USP6: variants seen among roughly 807,000 people sequenced by gnomAD.
USP6 encodes ubiquitin specific peptidase 6.
A neutral mutation model predicts 175.7 loss-of-function variants in USP6; 128 were observed. The ratio of observed to expected loss-of-function variants is 0.73; its 90% confidence interval spans 0.63 to 0.84. USP6 has a LOEUF of 0.84. USP6 is among the 40% of genes least tolerant of loss of function. USP6 has a pLI of 0.00. For missense variants in USP6, 1,498 were observed against 1,760.3 expected (o/e 0.85, Z 2.67); for synonymous variants, 562 against 630.6 (o/e 0.89, Z 1.63).
chr17:5,120,242 T>G (rs1436760157), intron 2 of USP6, among the ~76,000 whole-genome samples: 4 of 152,120 alleles, frequency 2.6e-5, no homozygotes, highest in Admixed American at 6.5e-5. Flanking sequence ...AGGGTTGCTC[T>G]CTGCATGCCT....
At chr17:5,168,332 T>C (rs1159263873) in intron 34 of USP6, among the ~76,000 whole-genome samples, 4 of 127,582 alleles carry the variant, frequency 3.1e-5, no homozygotes, top group Non-Finnish European at 7.6e-5. Flanking sequence ...GCTCATAACC[T>C]AGAAGAAGAG....
At chr17:5,133,649 G>T in intron 14 of USP6, 99 bp downstream of exon 14, 1 of 879,784 alleles carries the variant, frequency 1.1e-6, no homozygotes. Context: ...TGGGGGGGTG[G>T]GAGGGGATGG....
chr17:5,137,595 A>T, intron 19 of USP6, 56 bp from the exon 20 acceptor site: 5 of 1,550,358 alleles, frequency 3.2e-6, no homozygotes, highest in Non-Finnish European at 4.4e-6. Flanking sequence ...GCGCAGCTCG[A>T]GCCACCAGCC....
chr17:5,142,590 T>G (rs1268543239), intron 25 of USP6, 88 bp downstream of exon 25: 1 of 1,474,794 alleles, frequency 6.8e-7, no homozygotes, highest in East Asian at 2.5e-5. Flanking sequence ...GTTTAGCCTT[T>G]TAGCTTAATG....
chr17:5,141,621 T>G (rs1270863369), intron 23 of USP6, 122 bp downstream of exon 23: 1 of 852,534 alleles, frequency 1.2e-6, no homozygotes, highest in Non-Finnish European at 1.7e-6. Flanking sequence ...GCCCTTCTTT[T>G]TCTTTTTTCC....
At chr17:5,157,216 G>A (rs908809342) in intron 31 of USP6, among the ~76,000 whole-genome samples, 4 of 151,872 alleles carry the variant, frequency 2.6e-5, no homozygotes, top group Admixed American at 6.6e-5. Flanking sequence ...CTCCTGAGTC[G>A]CTGGGATTAC....
chr17:5,134,807 C>T, intron 15 of USP6: 1 of 305,078 alleles, frequency 3.3e-6, no homozygotes, highest in Non-Finnish European at 6.3e-6. Context: ...AGGGACTGAG[C>T]AGCAGTCTGG....
chr17:5,159,292 G>A (rs969811654), intron 31 of USP6, among the ~76,000 whole-genome samples: 2 of 152,144 alleles, frequency 1.3e-5, no homozygotes, highest in Non-Finnish European at 2.9e-5. Flanking sequence ...TGAGATTTTG[G>A]AGGTAGAAAA....
chr17:5,137,972 C>G (rs1225125390), intron 20 of USP6, 149 bp from the exon 21 acceptor site: 3 of 1,522,488 alleles, frequency 2.0e-6, no homozygotes, highest in Middle Eastern at 2.0e-4. Context: ...AGATCACCCC[C>G]CAGCCACAGT....
intron 32 of USP6, 109 bp from the exon 33 acceptor site, chr17:5,162,775 A>AG (rs2074028553): frequency 1.4e-6 from 2 of 1,464,684 alleles, no homozygotes; most frequent in Non-Finnish European, 1.8e-6. Flanking sequence ...ACAAATTGTG[A>AG]GGCCCAAGAG....
chr17:5,144,496 C>CT lies in USP6; in HGVS notation c.1819-183dup, dbSNP rs368532695. Among the ~76,000 whole-genome samples, 919 of 144,750 alleles carry CT rather than the reference C, an allele frequency of 6.3e-3. 4 individuals carry two copies. The highest frequency in any genetic ancestry group is 9.6e-3 in the Non-Finnish European group (629 of 65,576). 95.0% of individuals were successfully genotyped at this position (144,750 alleles called of 152,430 possible). A position where few individuals can be genotyped will look rare whatever the true frequency, so the allele number is the denominator to read the frequency against. ...ACACAGTATTGGCCAAAATACTTCT[C>CT]TTTTTTTTTTTGGTCATTTGACATT... On this transcript the variant is annotated intron_variant, in intron 25 of 37. Transcript: ENST00000574788.
chr17:5,164,720 C>A (rs769596391), intron 33 of USP6, among the ~76,000 whole-genome samples: 4 of 152,182 alleles, frequency 2.6e-5, no homozygotes, highest in Non-Finnish European at 5.9e-5. Flanking sequence ...TATGCCTAAT[C>A]GGGGCTCCAC....
intron 18 of USP6, 138 bp downstream of exon 18, chr17:5,136,872 C>G: frequency 7.1e-7 from 1 of 1,400,966 alleles, no homozygotes; most frequent in South Asian, 1.2e-5. Context: ...GTCGGGTTCT[C>G]CATGGGCTGG....
At chr17:5,168,635 T>TA in intron 34 of USP6, 132 bp from the exon 35 acceptor site, 2 of 1,349,492 alleles carry the variant, frequency 1.5e-6, no homozygotes, top group Non-Finnish European at 2.0e-6. Context: ...TTGAAGTCTT[T>TA]AAAAAATAAT....
At chr17:5,148,492 G>C (rs2073673026) in intron 29 of USP6, 64 bp from the exon 30 acceptor site, 2 of 1,566,318 alleles carry the variant, frequency 1.3e-6, no homozygotes, top group Non-Finnish European at 1.7e-6. Context: ...CAGGATACTT[G>C]AGAAAAGAGC....
chr17:5,126,572 T>C (rs1480240825), intron 6 of USP6, among the ~76,000 whole-genome samples: 1 of 152,134 alleles, frequency 6.6e-6, no homozygotes, highest in Admixed American at 6.5e-5. Flanking sequence ...CTCTGTCTCT[T>C]TGCGTTTTGT....
chr17:5,146,424 G>A (rs1319678685), intron 28 of USP6, among the ~76,000 whole-genome samples: 2 of 152,144 alleles, frequency 1.3e-5, no homozygotes, highest in South Asian at 2.1e-4. Context: ...TATATGGAGT[G>A]TTTTAGCTGT....
At chr17:5,142,671 ATAC>A (rs2073483055) in intron 25 of USP6, among the ~76,000 whole-genome samples, 169 bp downstream of exon 25, 1 of 152,236 alleles carries the variant, frequency 6.6e-6, no homozygotes, top group Admixed American at 6.5e-5. Flanking sequence ...TATTTGCAAA[ATAC>A]TACTGTATAT....
rs1325815215 is a variant in USP6 at position 5,170,935 on chromosome 17, G to A, written c.3954+20G>A. Reference sequence around the variant, plus strand: ...ATTTCAGTAAGTGGTTTATTATACGGTTTTCAGAGAGTGGTCTGTGTTTTG... The same window carrying A: ...ATTTCAGTAAGTGGTTTATTATACGATTTTCAGAGAGTGGTCTGTGTTTTG... On this transcript the variant is annotated intron_variant, in intron 36 of 37. Transcript: ENST00000574788. The A allele has an allele frequency of 3.1e-6, 5 of 1,605,674 alleles. No individual in the cohort carries two copies. In the South Asian group the frequency reaches 5.5e-5, roughly 18 times the overall value.
Sources: gnomAD v4.1 joint callset for allele counts (sites outside exome capture counted in the v4.1 genomes callset) on GRCh38, gnomAD v4.1.1 for gene constraint, MANE v1.5 for transcripts, NCBI Gene and HGNC (gene_info 2026-07-23, HGNC 2026-07-21) for gene names.